SMYD3: variants seen among roughly 807,000 people sequenced by gnomAD.
SMYD3 encodes SET and MYND domain containing 3.
Under a neutral mutation model 57.7 loss-of-function variants are expected in SMYD3, and 36 were observed. The observed-to-expected ratio is 0.62, with a 90% CI of 0.48 to 0.82. SMYD3 has a LOEUF of 0.82. Ranked by LOEUF, SMYD3 falls within the 40% of genes least tolerant of loss-of-function variation. SMYD3 has a pLI of 0.00. For missense variants in SMYD3, 515 were observed against 538.8 expected (o/e 0.96, Z 0.44); for synonymous variants, 211 against 195.0 (o/e 1.08, Z -0.68).
intron 1 of SMYD3, among the ~76,000 whole-genome samples, chr1:246,468,337 T>C (rs951853775): frequency 6.6e-6 from 1 of 152,094 alleles, no homozygotes; most frequent in East Asian, 1.9e-4. Flanking sequence ...AAATTCAATA[T>C]GCCTTTTTAA....
At chr1:245,912,936 T>C (rs2055105880) in intron 8 of SMYD3, among the ~76,000 whole-genome samples, 1 of 152,198 alleles carries the variant, frequency 6.6e-6, no homozygotes. Flanking sequence ...AGTTCAACCA[T>C]TGTGGAAAAC....
chr1:245,802,359 G>A (rs2047910102), intron 10 of SMYD3, among the ~76,000 whole-genome samples: 1 of 152,224 alleles, frequency 6.6e-6, no homozygotes, highest in South Asian at 2.1e-4. Context: ...AGAGCCAAAC[G>A]CTGACCTCCC....
intron 1 of SMYD3, among the ~76,000 whole-genome samples, chr1:246,427,606 G>A (rs1194471335): frequency 4.6e-5 from 7 of 152,188 alleles, no homozygotes; most frequent in Non-Finnish European, 1.5e-5. Context: ...GCTCATGCCT[G>A]TATTCGCAAC....
intron 5 of SMYD3, among the ~76,000 whole-genome samples, chr1:246,297,082 G>A (rs1224224735): frequency 6.6e-6 from 1 of 152,122 alleles, no homozygotes; most frequent in African/African-American, 2.4e-5. Context: ...AATAGAGTTG[G>A]AACTCAGGAG....
At chr1:246,376,969 G>A (rs1157718222) in intron 1 of SMYD3, among the ~76,000 whole-genome samples, 4 of 151,744 alleles carry the variant, frequency 2.6e-5, no homozygotes, top group Admixed American at 6.6e-5. Context: ...GCATGGTGGC[G>A]CACAACTGTA....
rs564466513 is a variant in SMYD3 at position 245,880,530 on chromosome 1, T to C, written c.814-16644A>G. Among the ~76,000 whole-genome samples the C allele has an allele frequency of 5.3e-5, 8 of 152,360 alleles. No homozygotes were observed. The South Asian group carries it at 1.0e-3, about 20-fold the overall frequency. On this transcript the variant is annotated intron_variant, in intron 8 of 11. Transcript: ENST00000490107. ...AACAACAACATTTACTGAGGGTTTATTGTGCTAATTACTTTAAACACTGTA... is the reference window on the plus strand; with the variant it reads ...AACAACAACATTTACTGAGGGTTTACTGTGCTAATTACTTTAAACACTGTA...
chr1:246,092,546 A>C (rs6656947), intron 5 of SMYD3, among the ~76,000 whole-genome samples: 120,198 of 152,032 alleles, frequency 0.79, 47,946 homozygotes, highest in Admixed American at 0.84. Flanking sequence ...TGCTGAGAAA[A>C]CTGGATATCC....
intron 10 of SMYD3, among the ~76,000 whole-genome samples, chr1:245,809,040 C>CCACT (rs2048326727): frequency 6.6e-6 from 1 of 152,188 alleles, no homozygotes; most frequent in Admixed American, 6.5e-5. Context: ...CAGGCGTGAG[C>CCACT]CACTGCTCCT....
intron 10 of SMYD3, among the ~76,000 whole-genome samples, chr1:245,791,952 T>TTGTGTG (rs59018021): frequency 0.12 from 16,985 of 146,124 alleles, 1,254 homozygotes; most frequent in East Asian, 0.35. Context: ...AATTTTAAAC[T>TTGTGTG]TGTGTGTGTG....
chr1:246,486,930 A>G (rs1385686200), intron 1 of SMYD3, among the ~76,000 whole-genome samples: 1 of 152,202 alleles, frequency 6.6e-6, no homozygotes, highest in Non-Finnish European at 1.5e-5. Flanking sequence ...AGGTAGGCCC[A>G]TGGACATATA....
chr1:246,059,395 T>C (rs1321926650), intron 5 of SMYD3, among the ~76,000 whole-genome samples: 1 of 152,066 alleles, frequency 6.6e-6, no homozygotes, highest in Non-Finnish European at 1.5e-5. Flanking sequence ...ACAGAAGAAC[T>C]ATTAAAAGTA....
chr1:246,485,915 TAA>T (rs2068181018), intron 1 of SMYD3, among the ~76,000 whole-genome samples: 1 of 152,216 alleles, frequency 6.6e-6, no homozygotes. Context: ...AGGAATAATA[TAA>T]AGAGAGACCT....
chr1:246,029,916 T>C (rs1041491554), intron 5 of SMYD3, among the ~76,000 whole-genome samples: 1 of 151,634 alleles, frequency 6.6e-6, no homozygotes, highest in Non-Finnish European at 1.5e-5. Context: ...ACAGCCACTG[T>C]AGAAAAGAGC....
At chr1:245,869,982 C>T (rs543987989) in intron 8 of SMYD3, among the ~76,000 whole-genome samples, 2 of 152,182 alleles carry the variant, frequency 1.3e-5, no homozygotes, top group East Asian at 3.9e-4. Flanking sequence ...TGAACTGACA[C>T]GAATGGTTTC....
At chr1:246,326,959 G>T in intron 5 of SMYD3, 1 of 519,456 alleles carries the variant, frequency 1.9e-6, no homozygotes. Context: ...GGTACACTTT[G>T]AGAATTCACA....
At chr1:245,763,204 C>T (rs1558311015) in intron 11 of SMYD3, among the ~76,000 whole-genome samples, 1 of 152,350 alleles carries the variant, frequency 6.6e-6, no homozygotes, top group East Asian at 1.9e-4. Flanking sequence ...ACCTCCTTCG[C>T]TTCCTCCCTC....
At chr1:245,774,892 G>A (rs1019968746) in intron 10 of SMYD3, among the ~76,000 whole-genome samples, 34 of 152,300 alleles carry the variant, frequency 2.2e-4, no homozygotes, top group Non-Finnish European at 4.0e-4. Context: ...TGGTGGAGAC[G>A]GGGTTTCACT....
intron 5 of SMYD3, among the ~76,000 whole-genome samples, chr1:246,125,197 T>C (rs1378367465): frequency 6.6e-6 from 1 of 152,236 alleles, no homozygotes; most frequent in African/African-American, 2.4e-5. Flanking sequence ...TATTTAACAC[T>C]GTGAATAGTC....
intron 5 of SMYD3, among the ~76,000 whole-genome samples, chr1:246,086,915 C>T (rs1208109190): frequency 6.6e-6 from 1 of 152,042 alleles, no homozygotes; most frequent in Non-Finnish European, 1.5e-5. Context: ...GTGTGTTGTT[C>T]CCCTCCCTGT....
Sources: gnomAD v4.1 joint callset for allele counts (sites outside exome capture counted in the v4.1 genomes callset) on GRCh38, gnomAD v4.1.1 for gene constraint, MANE v1.5 for transcripts, NCBI Gene and HGNC (gene_info 2026-07-23, HGNC 2026-07-21) for gene names.